Variants in FLT3 observed in about 807,000 individuals in gnomAD.
FLT3 encodes the protein fms related receptor tyrosine kinase 3.
In FLT3, 46 loss-of-function variants were observed where a neutral mutation model predicts 126.6. The observed-to-expected ratio is 0.36, with a 90% confidence interval of 0.29 to 0.46. The LOEUF (loss-of-function observed/expected upper bound fraction) is 0.46. Ranked by LOEUF, FLT3 falls within the 20% of genes least tolerant of loss-of-function variation. The pLI, the probability that FLT3 is intolerant of heterozygous loss-of-function variation, is 1.00. For missense variants in FLT3, 1,069 were observed against 1,190.3 expected (o/e 0.90, Z 1.50); for synonymous variants, 404 against 434.4 (o/e 0.93, Z 0.87).
At chr13:28,008,090 A>G (rs1002630282) in intron 23 of FLT3, among the ~76,000 whole-genome samples, 1 of 151,982 alleles carries the variant, frequency 6.6e-6, no homozygotes, top group African/African-American at 2.4e-5. Flanking sequence ...CACACCAGTA[A>G]TCCCAGCACT....
At chr13:28,060,778 T>C (rs1212536599) in intron 3 of FLT3, among the ~76,000 whole-genome samples, 2 of 151,818 alleles carry the variant, frequency 1.3e-5, no homozygotes, top group Admixed American at 6.6e-5. Context: ...CTAATTTTTT[T>C]ATTTTTAGTA....
At chr13:28,032,294 C>G (rs939000270) in intron 15 of FLT3, among the ~76,000 whole-genome samples, 1 of 152,122 alleles carries the variant, frequency 6.6e-6, no homozygotes, top group African/African-American at 2.4e-5. Context: ...CATGAGGGCC[C>G]TTGGTGTATG....
rs186399051 is a variant in FLT3, at chr13:28,072,861, C to T, written c.44-2249G>A. On this transcript the variant is annotated intron_variant, in intron 1 of 23. Coordinates refer to ENST00000241453, the MANE Select transcript of FLT3 (RefSeq NM_004119.3). ...TACCTAAAAAAATACAAAAATTAGC[C>T]GGGCGTGGTGGCAGGCGCCTGCAGT... 2.3e-3 allele frequency among the ~76,000 whole-genome samples: 354 copies of T among 151,974 alleles called. 8 individuals carry two copies. The East Asian group carries it at 0.046, about 20-fold the overall frequency.
chr13:28,052,779 C>T (rs1424620363), intron 4 of FLT3, 105 bp from the exon 5 acceptor site: 2 of 685,148 alleles, frequency 2.9e-6, no homozygotes, highest in African/African-American at 1.8e-5. Flanking sequence ...TCAACCATTA[C>T]GTATACATAT....
chr13:28,062,887 G>A (rs2137770548), intron 2 of FLT3, among the ~76,000 whole-genome samples: 1 of 152,238 alleles, frequency 6.6e-6, no homozygotes, highest in East Asian at 1.9e-4. Context: ...AACCAACCCT[G>A]CTGACATCTT....
intron 4 of FLT3, among the ~76,000 whole-genome samples, chr13:28,056,406 C>T (rs9579150): frequency 6.6e-6 from 1 of 151,966 alleles, no homozygotes; most frequent in Admixed American, 6.6e-5. Flanking sequence ...GTCAATGTGT[C>T]GGGGGGACCT....
chr13:28,097,120 G>A (rs2137837698), intron 1 of FLT3, among the ~76,000 whole-genome samples: 1 of 152,104 alleles, frequency 6.6e-6, no homozygotes, highest in East Asian at 1.9e-4. Flanking sequence ...GGAGGCTGAG[G>A]TAGGAGGCTT....
In FLT3 at chr13:28,028,187, T is replaced by G; in HGVS notation, c.2044A>C (p.Thr682Pro). 6.3e-7 allele frequency: 1 copy of G among 1,583,382 alleles called. No homozygotes were observed. The highest frequency in any genetic ancestry group is 1.1e-5 in the South Asian group (1 of 90,478). ...ENIVNLLGAC[T>P]LSGPIYLIFE... ...CGTGGAAGTGGGTTACCTGACAGTG[T>G]GCACGCCCCCAGCAGGTTCACAATA... The change falls in exon 16 of 24, where the codon ACA becomes CCA. Residue 682 changes from threonine to proline, a missense_variant. Transcript: ENST00000241453.
rs746946336 is a variant in FLT3, at chr13:28,033,944, C to T, written c.1885G>A (p.Ala629Thr). The change falls in exon 15 of 24, where the codon GCT becomes ACT. Residue 629 changes from alanine (A) to threonine (T), a missense_variant. By Grantham distance (58) the Ala-to-Thr change is moderately conservative. Transcript: ENST00000241453. ...ACTCCTGTTTTGCTAATTCCATAAG[C>T]TGTTGCGTTCATCACTTTTCCAAAA... Reference protein sequence around the residue: ...GAFGKVMNATAYGISKTGVSI... With the variant: ...GAFGKVMNATTYGISKTGVSI... 1.9e-6 allele frequency: 3 copies of T among 1,614,210 alleles called. No homozygotes were observed. Among genetic ancestry groups the T allele is most frequent in the Non-Finnish European group, 2.5e-6 (3 of 1,180,038 alleles).
At chr13:28,043,545 T>C (rs1460263590) in intron 9 of FLT3, among the ~76,000 whole-genome samples, 2 of 152,208 alleles carry the variant, frequency 1.3e-5, no homozygotes, top group Non-Finnish European at 2.9e-5. Flanking sequence ...ACTTTGCCTA[T>C]AAAATCTTGA....
At chr13:28,067,493 G>T in intron 2 of FLT3, 1 of 154,006 alleles carries the variant, frequency 6.5e-6, no homozygotes. Flanking sequence ...AGGAGCCAAG[G>T]GATGTTCTTG....
In FLT3 at chr13:28,082,475, T is replaced by C. The variant is rs573155000; in HGVS notation, c.44-11863A>G. ...ACTGTGCCTAGTCTTTTATTTTTTG[T>C]TTTTTCTGCTGCTCACTCCAGGAGG... On this transcript the variant is annotated intron_variant, in intron 1 of 23. Coordinates refer to ENST00000241453, the MANE Select transcript of FLT3 (RefSeq NM_004119.3). 5.9e-5 allele frequency among the ~76,000 whole-genome samples: 9 copies of C among 151,966 alleles called. No individual in the cohort carries two copies. In the South Asian group the frequency reaches 1.9e-3, roughly 32 times the overall value.
Position 28,034,346 on chromosome 13 carries a change from G to A in FLT3, c.1659C>T (p.Leu553=). The change falls in exon 13 of 24, where the codon CTC becomes CTT. Residue 553 remains leucine (L), a synonymous_variant. Coordinates refer to ENST00000241453, the MANE Select transcript of FLT3 (RefSeq NM_004119.3). ...SFYATIGVCL[L]FIVVLTLLIC... The stretch of plus-strand genomic sequence containing the variant: ...TTAGCAGGGTTAAAACGACAATGAA[G>A]AGGAGACAAACACCAATTGTTGCAT... The A allele has an allele frequency of 6.2e-7, 1 of 1,614,092 alleles. No homozygotes were observed.
At chr13:28,066,958 T>A (rs1043129506) in intron 2 of FLT3, among the ~76,000 whole-genome samples, 2 of 152,222 alleles carry the variant, frequency 1.3e-5, no homozygotes, top group African/African-American at 4.8e-5. Context: ...AAGGTTCACA[T>A]CTTCATAATG....
chr13:28,021,471 G>A (rs758842945), intron 19 of FLT3, among the ~76,000 whole-genome samples: 4 of 152,160 alleles, frequency 2.6e-5, no homozygotes, highest in Non-Finnish European at 4.4e-5. Context: ...GGCAAGATGC[G>A]CGAGCAAGAA....
At chr13:28,056,785 C>G (rs1447753334) in intron 4 of FLT3, among the ~76,000 whole-genome samples, 1 of 152,160 alleles carries the variant, frequency 6.6e-6, no homozygotes, top group Admixed American at 6.5e-5. Flanking sequence ...AAAATTAAAA[C>G]TTTAGTTCCT....
At chr13:28,046,916 T>C (rs1661755652) in intron 9 of FLT3, among the ~76,000 whole-genome samples, 1 of 152,032 alleles carries the variant, frequency 6.6e-6, no homozygotes, top group African/African-American at 2.4e-5. Flanking sequence ...TTATTAATAA[T>C]ATATTTTACA....
intron 10 of FLT3, among the ~76,000 whole-genome samples, chr13:28,036,356 C>T (rs1873837854): frequency 6.6e-6 from 1 of 152,022 alleles, no homozygotes; most frequent in Admixed American, 6.6e-5. Context: ...CTTCTTTCCT[C>T]CTTGCCATGC....
intron 3 of FLT3, among the ~76,000 whole-genome samples, chr13:28,058,000 C>T (rs906346930): frequency 3.4e-4 from 51 of 151,680 alleles, no homozygotes; most frequent in African/African-American, 1.2e-3. Context: ...GGTCGCACCA[C>T]TGCACTCCAG....
Sources: gnomAD v4.1 joint callset for allele counts (sites outside exome capture counted in the v4.1 genomes callset) on GRCh38, gnomAD v4.1.1 for gene constraint, MANE v1.5 for transcripts, NCBI Gene and HGNC (gene_info 2026-07-23, HGNC 2026-07-21) for gene names.